Variants in PSIP1 observed in about 807,000 individuals in gnomAD.
The protein encoded by PSIP1 is PC4 and SFRS1-interacting protein.
A neutral mutation model predicts 74.7 loss-of-function variants in PSIP1; 19 were observed. The ratio of observed to expected loss-of-function variants is 0.25; its 90% CI spans 0.18 to 0.37. The LOEUF is 0.37. PSIP1 is among the 10% of genes least tolerant of loss of function. The pLI, the probability that PSIP1 is intolerant of heterozygous loss-of-function variation, is 1.00. For synonymous variants in PSIP1, 222 were observed against 195.3 expected (o/e 1.14, Z -1.14); for missense variants, 601 against 614.3 (o/e 0.98, Z 0.23).
At chr9:15,468,917 G>A in intron 13 of PSIP1, 40 bp downstream of exon 13, 1 of 1,604,696 alleles carries the variant, frequency 6.2e-7, no homozygotes, top group Non-Finnish European at 8.5e-7. Flanking sequence ...ATGAAGTAAT[G>A]ACAAAATTCA....
intron 3 of PSIP1, chr9:15,505,677 T>C (rs549871999): frequency 2.7e-5 from 4 of 150,936 alleles, no homozygotes; most frequent in South Asian, 4.3e-4. Context: ...CTAAATATAC[T>C]AAAATCTATT....
chr9:15,487,310 C>T (rs1040485885), intron 4 of PSIP1, among the ~76,000 whole-genome samples: 3 of 152,000 alleles, frequency 2.0e-5, no homozygotes, highest in African/African-American at 4.8e-5. Flanking sequence ...AATTACAAAA[C>T]GTAGTTGGGC....
intron 6 of PSIP1, 33 bp downstream of exon 6, chr9:15,485,973 A>G (rs1293869487): frequency 1.3e-6 from 2 of 1,541,022 alleles, no homozygotes; most frequent in African/African-American, 1.4e-5. Flanking sequence ...AATTCTTTTC[A>G]GATCCCCATG....
chr9:15,509,977 C>G (rs1178089412), intron 2 of PSIP1, 140 bp downstream of exon 2: 6 of 804,006 alleles, frequency 7.5e-6, no homozygotes, highest in South Asian at 5.6e-5. Context: ...GGGCAAAAAA[C>G]TAAAATGAAA....
chr9:15,471,687 A>G, intron 10 of PSIP1: 3 of 960,090 alleles, frequency 3.1e-6, no homozygotes, highest in Non-Finnish European at 3.7e-6. Context: ...AACTACTTGT[A>G]TATCCTCCAA....
At chr9:15,472,071 G>T (rs770225028) in intron 10 of PSIP1, 6 of 978,468 alleles carry the variant, frequency 6.1e-6, no homozygotes, top group Non-Finnish European at 7.3e-6. Flanking sequence ...ATTCCCCATG[G>T]CAAGTCCTGT....
intron 6 of PSIP1, among the ~76,000 whole-genome samples, chr9:15,483,137 A>G (rs775908658): frequency 6.6e-6 from 1 of 151,934 alleles, no homozygotes; most frequent in Non-Finnish European, 1.5e-5. Flanking sequence ...GACCTCATCT[A>G]TTACCCTATC....
intron 3 of PSIP1, among the ~76,000 whole-genome samples, chr9:15,494,077 A>T (rs2036961281): frequency 6.6e-6 from 1 of 152,220 alleles, no homozygotes; most frequent in Non-Finnish European, 1.5e-5. Context: ...CCAAAGCAAC[A>T]GGAAAATGGA....
chr9:15,471,379 A>C (rs1479074376), intron 10 of PSIP1: 1 of 1,539,906 alleles, frequency 6.5e-7, no homozygotes, highest in African/African-American at 1.4e-5. Flanking sequence ...AATTTGAGAA[A>C]GTTACATTGG....
intron 3 of PSIP1, among the ~76,000 whole-genome samples, chr9:15,491,330 T>C (rs1036596417): frequency 2.0e-5 from 3 of 152,226 alleles, no homozygotes; most frequent in Non-Finnish European, 4.4e-5. Flanking sequence ...GATACTTGCT[T>C]ACAGTATGAG....
intron 8 of PSIP1, among the ~76,000 whole-genome samples, chr9:15,477,970 C>CA (rs917646435): frequency 1.3e-5 from 2 of 150,522 alleles, no homozygotes; most frequent in African/African-American, 4.9e-5. Context: ...CCAGTCTCAT[C>CA]AAAAAAAGTT....
Position 15,481,002 on chromosome 9 carries a change from A to G in PSIP1, c.457-1315T>C, listed in dbSNP as rs373127452. On this transcript the variant is annotated intron_variant, in intron 6 of 15. Coordinates refer to ENST00000380733, the MANE Select transcript of PSIP1 (RefSeq NM_033222.5). Reference sequence around the variant, plus strand: ...CCATTTCTTTATTAGTTTTTTAAACATTTCTTTAAATAACTGAAACATAAT... The same window carrying G: ...CCATTTCTTTATTAGTTTTTTAAACGTTTCTTTAAATAACTGAAACATAAT... Among the ~76,000 whole-genome samples, 6 of 152,346 alleles carry G rather than the reference A, an allele frequency of 3.9e-5. No individual in the cohort carries two copies. The South Asian group carries it at 6.2e-4, about 16-fold the overall frequency.
At chr9:15,502,166 G>A (rs1563898129) in intron 3 of PSIP1, among the ~76,000 whole-genome samples, 1 of 152,002 alleles carries the variant, frequency 6.6e-6, no homozygotes, top group Non-Finnish European at 1.5e-5. Context: ...AACCCCCGTG[G>A]AAAAAACTGT....
chr9:15,505,563 C>A (rs1444117496), intron 3 of PSIP1: 2 of 152,108 alleles, frequency 1.3e-5, no homozygotes, highest in African/African-American at 4.8e-5. Context: ...AATAAAATGT[C>A]CAGAACTGGT....
intron 7 of PSIP1, 62 bp downstream of exon 7, chr9:15,479,529 C>CT (rs2036244269): frequency 7.4e-7 from 1 of 1,351,822 alleles, no homozygotes; most frequent in African/African-American, 1.5e-5. Flanking sequence ...GGCAGCAACA[C>CT]TTTAAATGGA....
At chr9:15,467,933 C>T (rs2035700005) in intron 14 of PSIP1, among the ~76,000 whole-genome samples, 1 of 151,862 alleles carries the variant, frequency 6.6e-6, no homozygotes, top group South Asian at 2.1e-4. Context: ...CCAGCCTGAC[C>T]AACATGGAGA....
At chr9:15,479,330 T>A (rs575265841) in intron 7 of PSIP1, among the ~76,000 whole-genome samples, 109 of 152,268 alleles carry the variant, frequency 7.2e-4, no homozygotes, top group African/African-American at 2.2e-3. Context: ...AATAAACCCA[T>A]TATTCATGAT....
chr9:15,482,883 C>G (rs1388515774), intron 6 of PSIP1, among the ~76,000 whole-genome samples: 1 of 152,146 alleles, frequency 6.6e-6, no homozygotes, highest in African/African-American at 2.4e-5. Flanking sequence ...TGGAGTTCAC[C>G]TGAAAGTATC....
At chr9:15,510,024 A>G (rs1210160356) in intron 2 of PSIP1, 93 bp downstream of exon 2, 1 of 1,305,586 alleles carries the variant, frequency 7.7e-7, no homozygotes, top group African/African-American at 1.5e-5. Flanking sequence ...GAGGGAGAGA[A>G]AGGACAGAAG....
Sources: allele counts gnomAD v4.1 joint callset (sites outside exome capture counted in the v4.1 genomes callset), GRCh38; gene constraint gnomAD v4.1.1; transcripts MANE v1.5; gene names NCBI Gene and HGNC (gene_info 2026-07-23, HGNC 2026-07-21).